Variants in WASF2 observed in about 807,000 individuals in gnomAD.
WASF2 encodes the protein actin-binding protein WASF2.
A neutral mutation model predicts 45.0 loss-of-function variants in WASF2; 14 were observed. The observed-to-expected ratio is 0.31, with a 90% CI of 0.21 to 0.49. WASF2 has a LOEUF of 0.49. Among genes scored for constraint, WASF2 ranks in the 20% least tolerant of loss-of-function variants. WASF2 has a pLI of 0.99. For missense variants in WASF2, 439 were observed against 636.1 expected (o/e 0.69, Z 3.33); for synonymous variants, 200 against 236.3 (o/e 0.85, Z 1.41).
At chr1:27,409,452 A>AAAAAAAAAAAG (rs1557594400) in intron 8 of WASF2, among the ~76,000 whole-genome samples, 3 of 146,356 alleles carry the variant, frequency 2.0e-5, no homozygotes, top group African/African-American at 8.1e-5. Context: ...AAAAAAAAAA[A>AAAAAAAAAAAG]AAAAGAAAAG....
intron 1 of WASF2, among the ~76,000 whole-genome samples, chr1:27,477,520 A>T (rs2017781945): frequency 6.6e-6 from 1 of 152,212 alleles, no homozygotes; most frequent in African/African-American, 2.4e-5. Flanking sequence ...AGCCTGGGTG[A>T]CAGAGCAAGA....
chr1:27,465,257 G>C (rs190025719), intron 1 of WASF2, among the ~76,000 whole-genome samples: 1 of 152,176 alleles, frequency 6.6e-6, no homozygotes, highest in Non-Finnish European at 1.5e-5. Flanking sequence ...CTCTAATAAA[G>C]ACTAAGAAAA....
At chr1:27,415,091 C>G (rs1173367424) in intron 5 of WASF2, 128 bp from the exon 6 acceptor site, 3 of 1,241,464 alleles carry the variant, frequency 2.4e-6, no homozygotes, top group Non-Finnish European at 3.3e-6. Flanking sequence ...AACTACAGAA[C>G]TTACAGAATT....
At chr1:27,481,895 A>G (rs1463757872) in intron 1 of WASF2, among the ~76,000 whole-genome samples, 1 of 152,204 alleles carries the variant, frequency 6.6e-6, no homozygotes, top group African/African-American at 2.4e-5. Flanking sequence ...CAAATTATTT[A>G]TTAGTCTGGA....
At chr1:27,446,162 GATTT>G (rs1371370345) in intron 1 of WASF2, among the ~76,000 whole-genome samples, 1 of 151,878 alleles carries the variant, frequency 6.6e-6, no homozygotes, top group Non-Finnish European at 1.5e-5. Context: ...TTCTTTACTA[GATTT>G]AATATCTTAA....
intron 1 of WASF2, among the ~76,000 whole-genome samples, chr1:27,463,811 T>A (rs963233048): frequency 1.3e-4 from 20 of 149,868 alleles, no homozygotes; most frequent in African/African-American, 4.9e-4. Context: ...ATTATTTTTT[T>A]TTTTTTTTGA....
chr1:27,474,690 T>A (rs1384014127), intron 1 of WASF2, among the ~76,000 whole-genome samples: 3 of 150,236 alleles, frequency 2.0e-5, no homozygotes, highest in Non-Finnish European at 4.4e-5. Context: ...GAATCGCGCC[T>A]AAACCCAGGA....
At chr1:27,474,251 G>C (rs1043818458) in intron 1 of WASF2, among the ~76,000 whole-genome samples, 1 of 151,900 alleles carries the variant, frequency 6.6e-6, no homozygotes, top group Non-Finnish European at 1.5e-5. Context: ...ATGTATGCTT[G>C]ATATTTTTTC....
chr1:27,420,103 C>T, intron 2 of WASF2, among the ~76,000 whole-genome samples: 1 of 152,030 alleles, frequency 6.6e-6, no homozygotes, highest in South Asian at 2.1e-4. Flanking sequence ...TGGGGATTTG[C>T]CAGGTTGCCC....
chr1:27,456,338 A>C (rs990791065), intron 1 of WASF2, among the ~76,000 whole-genome samples: 3 of 135,786 alleles, frequency 2.2e-5, no homozygotes, highest in Non-Finnish European at 3.2e-5. Flanking sequence ...AAAAAAAAAA[A>C]CAACAATGGA....
In WASF2 at chr1:27,408,045, A is replaced by C; in HGVS notation, c.*144T>G. On this transcript the variant is annotated 3_prime_UTR_variant, in exon 9 of 9. Coordinates refer to ENST00000618852, the MANE Select transcript of WASF2 (RefSeq NM_006990.5). ...TGACTTGGAGGAAGCACTTGGATAT[A>C]TCTTTGGTTGCTTCAGGGAAAGCTT... The C allele has an allele frequency of 1.0e-6, 1 of 964,992 alleles. No individual in the cohort carries two copies. Among genetic ancestry groups the C allele is most frequent in the Non-Finnish European group, 1.5e-6 (1 of 665,218 alleles). 59.8% of individuals were successfully genotyped at this position (964,992 alleles called of 1,614,324 possible).
chr1:27,426,253 A>C (rs371402104), intron 2 of WASF2, among the ~76,000 whole-genome samples: 12 of 152,234 alleles, frequency 7.9e-5, no homozygotes, highest in African/African-American at 2.9e-4. Flanking sequence ...TCAGAATCAT[A>C]AAAAGTAAAA....
In WASF2 at chr1:27,408,225, G is replaced by A. The variant is rs771856847; in HGVS notation, c.1461C>T (p.Asp487=). ...IAVEYSDSED[D]SSEFDEDDWS... ...AGTCGTCCTCATCAAATTCAGAGGAGTCATCTTCTGAGTCACTGTACTCAA... is the reference window on the plus strand; with the variant it reads ...AGTCGTCCTCATCAAATTCAGAGGAATCATCTTCTGAGTCACTGTACTCAA... Residue 487 remains aspartate (D), a synonymous_variant, in exon 9 of 9, where the codon GAC becomes GAT. Transcript: ENST00000618852. 8.1e-6 allele frequency: 13 copies of A among 1,614,142 alleles called. No individual in the cohort carries two copies. In the South Asian group the frequency reaches 1.4e-4, roughly 18 times the overall value.
chr1:27,419,332 T>C (rs561366140), intron 2 of WASF2, among the ~76,000 whole-genome samples: 1 of 152,328 alleles, frequency 6.6e-6, no homozygotes, highest in Non-Finnish European at 1.5e-5. Flanking sequence ...TGAACAGTCA[T>C]GAGACTCAAA....
At chr1:27,453,134 G>A (rs916723955) in intron 1 of WASF2, among the ~76,000 whole-genome samples, 13 of 151,656 alleles carry the variant, frequency 8.6e-5, no homozygotes, top group Admixed American at 2.6e-4. Flanking sequence ...TTGAACCCAC[G>A]AGGCAGGTTG....
Position 27,457,023 on chromosome 1 carries a change from G to A in WASF2, c.-43-28090C>T, listed in dbSNP as rs878965803. Among the ~76,000 whole-genome samples, 10 of 152,016 alleles carry A rather than the reference G, an allele frequency of 6.6e-5. No individual in the cohort carries two copies. The East Asian group carries it at 1.6e-3, about 24-fold the overall frequency. On this transcript the variant is annotated intron_variant, in intron 1 of 8. Transcript: ENST00000618852. ...CCCCAAAGTGCTGGGATTTACAGGC[G>A]TGAGCCACCGGGTCCTGCCTGTATT...
At chr1:27,462,474 C>T (rs1009952874) in intron 1 of WASF2, among the ~76,000 whole-genome samples, 5 of 151,612 alleles carry the variant, frequency 3.3e-5, no homozygotes, top group Non-Finnish European at 7.4e-5. Context: ...TGAAGAAAAA[C>T]AAAAAAAGAG....
At chr1:27,448,145 C>T (rs1037898576) in intron 1 of WASF2, among the ~76,000 whole-genome samples, 1 of 152,214 alleles carries the variant, frequency 6.6e-6, no homozygotes. Flanking sequence ...GCCTTAGGGG[C>T]GGGCCCAGGA....
intron 4 of WASF2, among the ~76,000 whole-genome samples, chr1:27,417,689 C>T (rs1009137867): frequency 1.3e-5 from 2 of 152,196 alleles, no homozygotes; most frequent in Non-Finnish European, 2.9e-5. Flanking sequence ...AGTCCAGGCA[C>T]AGCAGAGTAG....
Sources: allele counts gnomAD v4.1 joint callset (sites outside exome capture counted in the v4.1 genomes callset), GRCh38; gene constraint gnomAD v4.1.1; transcripts MANE v1.5; gene names NCBI Gene and HGNC (gene_info 2026-07-23, HGNC 2026-07-21).